The following DCAF11 variants were observed in gnomAD, a reference collection of about 807,000 sequenced individuals.
DCAF11 encodes the protein DDB1- and CUL4-associated factor 11.
Under a neutral mutation model 76.1 loss-of-function variants are expected in DCAF11, and 44 were observed. The observed-to-expected ratio is 0.58, with a 90% CI of 0.45 to 0.74. DCAF11 has a LOEUF of 0.74. DCAF11 is among the 30% of genes least tolerant of loss of function. The pLI is 0.00. For synonymous variants in DCAF11, 258 were observed against 255.0 expected (o/e 1.01, Z -0.11); for missense variants, 604 against 709.4 (o/e 0.85, Z 1.69).
At position 24,120,922 on chromosome 14, in the gene DCAF11, A is replaced by T; in HGVS notation, c.1177A>T (p.Met393Leu). 1 of 1,614,218 alleles carries T rather than the reference A, an allele frequency of 6.2e-7. No homozygotes were observed. The highest frequency in any genetic ancestry group is 8.5e-7 in the Non-Finnish European group (1 of 1,180,034). ...CCGACGCTTTTCCAGCCGGGAAGGC[A>T]TGGAAGCTTCACGCCAGGCTGCCAC... ...DIRRFSSREG[M>L]EASRQAATQQ... The change falls in exon 12 of 15, where the codon ATG becomes TTG. Residue 393 changes from methionine (M) to leucine (L), a missense_variant. Transcript: ENST00000446197.
In DCAF11 at chr14:24,123,214, G is replaced by A; in HGVS notation, c.1546G>A (p.Glu516Lys). 1.3e-6 allele frequency: 2 copies of A among 1,593,590 alleles called. No individual in the cohort carries two copies. Among genetic ancestry groups the A allele is most frequent in the Admixed American group, 1.7e-5 (1 of 58,662 alleles). Residue 516 changes from glutamate (E) to lysine (K), a missense_variant, in exon 15 of 15, where the codon GAG (glutamate) becomes AAG (lysine). Physicochemically the swap from Glu to Lys is moderately conservative, Grantham distance 56. Transcript: ENST00000446197. ...GCGTCTGTGGCAGTACCGCCAGGCT[G>A]AGTACTTCCAGGATGACATGCCAGA... ...NLRLWQYRQA[E>K]YFQDDMPESE...
rs1271303421 is a variant in DCAF11 at position 24,120,948 on chromosome 14, A to C, written c.1203A>C (p.Thr401=). 4 of 1,614,068 alleles carry C rather than the reference A, an allele frequency of 2.5e-6. No individual in the cohort carries two copies. Among genetic ancestry groups the C allele is most frequent in the Non-Finnish European group, 3.4e-6 (4 of 1,180,028 alleles). Residue 401 remains threonine, a synonymous_variant, in exon 12 of 15, where the codon ACA becomes ACC. Coordinates refer to ENST00000446197, the MANE Select transcript of DCAF11 (RefSeq NM_025230.5). ...TGGAAGCTTCACGCCAGGCTGCCACACAGCAAAACTGGGACTATCGGTGGC... is the reference window on the plus strand; with the variant it reads ...TGGAAGCTTCACGCCAGGCTGCCACCCAGCAAAACTGGGACTATCGGTGGC... The part of the protein sequence containing the change: ...EGMEASRQAA[T]QQNWDYRWQQ...
intron 2 of DCAF11, 23 bp downstream of exon 2, chr14:24,115,772 C>G: frequency 6.2e-7 from 1 of 1,605,260 alleles, no homozygotes; most frequent in Non-Finnish European, 8.5e-7. Context: ...CTGGTGTGAC[C>G]CCCAGCAGGT....
chr14:24,120,868 A>G lies in DCAF11; in HGVS notation c.1123A>G (p.Lys375Glu), dbSNP rs1224937229. 19 of 1,614,186 alleles carry G rather than the reference A, an allele frequency of 1.2e-5. No homozygotes were observed. The highest frequency in any genetic ancestry group is 1.6e-5 in the Non-Finnish European group (19 of 1,180,036). Residue 375 changes from lysine (K) to glutamate (E), a missense_variant, in exon 12 of 15, where the codon AAA becomes GAA. Physicochemically the swap from Lys to Glu is moderately conservative, Grantham distance 56 (BLOSUM62 1). Transcript: ENST00000446197. ...TGCCCGGTATCTGATCTCCAACTCT[A>G]AAGACCAGACCATCAAACTCTGGGA... is the stretch of plus-strand genomic sequence containing the variant. Reference protein sequence around the residue: ...GDARYLISNSKDQTIKLWDIR... With the variant: ...GDARYLISNSEDQTIKLWDIR...
chr14:24,123,134 G>C, intron 14 of DCAF11, 41 bp from the exon 15 acceptor site: 1 of 1,614,086 alleles, frequency 6.2e-7, no homozygotes, highest in Non-Finnish European at 8.5e-7. Context: ...ACTTGGGTGG[G>C]GGCAGCACAT....
chr14:24,118,278 T>C (rs1306427407), intron 6 of DCAF11, 110 bp from the exon 7 acceptor site: 13 of 1,583,194 alleles, frequency 8.2e-6, no homozygotes, highest in Non-Finnish European at 9.5e-6. Flanking sequence ...CCAGACCATG[T>C]TTCCCATGAT....
chr14:24,123,920 G>A lies in DCAF11; in HGVS notation c.*611G>A, dbSNP rs1369287382. ...CTTATAGGGCAGGCCCTGCCCTCTG[G>A]GAAGGTCCCTTCATGCTGGAGGCAC... On this transcript the variant is annotated 3_prime_UTR_variant, in exon 15 of 15. Coordinates refer to ENST00000446197, the MANE Select transcript of DCAF11 (RefSeq NM_025230.5). The A allele has an allele frequency of 6.6e-6, 1 of 152,246 alleles. No individual in the cohort carries two copies. Among genetic ancestry groups the A allele is most frequent in the Non-Finnish European group, 1.5e-5 (1 of 68,092 alleles). 9.4% of individuals were successfully genotyped at this position (152,246 alleles called of 1,614,324 possible). A position where few individuals can be genotyped will look rare whatever the true frequency, so the allele number is the denominator to read the frequency against.
Position 24,114,943 on chromosome 14 carries a change from G to A in DCAF11, c.-564G>A, listed in dbSNP as rs1228875542. On this transcript the variant is annotated 5_prime_UTR_variant, in exon 1 of 15. Transcript: ENST00000446197. ...CTGGCTGGTGGGTGGTCTCGCGTGG[G>A]GCGGTTACCGCCGGCTTCAGTGGGA... 1.7e-5 allele frequency: 17 copies of A among 985,918 alleles called. No individual in the cohort carries two copies. The highest frequency in any genetic ancestry group is 1.9e-5 in the Non-Finnish European group (16 of 830,018). 61.1% of individuals were successfully genotyped at this position (985,918 alleles called of 1,614,324 possible).
rs1379930115 is a variant in DCAF11 at position 24,123,236 on chromosome 14, C to T, written c.1568C>T (p.Pro523Leu). Residue 523 changes from proline to leucine, a missense_variant, in exon 15 of 15, where the codon CCA (proline) becomes CTA (leucine). By Grantham distance (98) the Pro-to-Leu change is moderately conservative (BLOSUM62 -3). Transcript: ENST00000446197. ...GCTGAGTACTTCCAGGATGACATGC[C>T]AGAATCTGAGGAATGTGCCAGCGCC... ...RQAEYFQDDM[P>L]ESEECASAPA... is the part of the protein sequence containing the mutation. 6.3e-7 allele frequency: 1 copy of T among 1,575,956 alleles called. No homozygotes were observed. Among genetic ancestry groups the T allele is most frequent in the African/African-American group, 1.3e-5 (1 of 74,324 alleles).
Position 24,118,529 on chromosome 14 carries a change from A to T in DCAF11, c.719A>T (p.Asp240Val). The change falls in exon 7 of 15, where the codon GAT (aspartate) becomes GTT (valine). Residue 240 changes from aspartate (D) to valine (V), a missense_variant. Asp to Val is a radical substitution (Grantham distance 152). Coordinates refer to ENST00000446197, the MANE Select transcript of DCAF11 (RefSeq NM_025230.5). ...CACTTCCTCTACTCTAGCTGGTCTG[A>T]TTACAGTGAGTATGCACCAGGCTTC... ...GNHFLYSSWS[D>V]YIHICNIYGE... is the part of the protein sequence containing the mutation. The T allele has an allele frequency of 6.2e-7, 1 of 1,613,904 alleles. No homozygotes were observed. The highest frequency in any genetic ancestry group is 1.1e-5 in the South Asian group (1 of 91,076).
chr14:24,117,225 G>A lies in DCAF11; in HGVS notation c.284-41G>A, dbSNP rs778350751. The stretch of plus-strand genomic sequence containing the variant: ...ACAGTTCTGCTAACTGTCCTCTGAG[G>A]CTGGCAGACCTAGGATGAAACTTCT... On this transcript the variant is annotated intron_variant, in intron 3 of 14. Coordinates refer to ENST00000446197, the MANE Select transcript of DCAF11 (RefSeq NM_025230.5). The surrounding 1 kb of genome is among the most constrained non-coding windows in gnomAD (Gnocchi z 4.3). The A allele has an allele frequency of 2.5e-6, 4 of 1,612,810 alleles. No individual in the cohort carries two copies. Among genetic ancestry groups the A allele is most frequent in the Non-Finnish European group, 1.7e-6 (2 of 1,179,110 alleles).
At chr14:24,116,845 T>A in intron 2 of DCAF11, 72 bp from the exon 3 acceptor site, 1 of 1,605,000 alleles carries the variant, frequency 6.2e-7, no homozygotes, top group South Asian at 1.1e-5. Flanking sequence ...AAGAGCTAGA[T>A]AGCCATTGAC....
chr14:24,120,661 A>G (rs1263889833), intron 11 of DCAF11, among the ~76,000 whole-genome samples, 177 bp from the exon 12 acceptor site: 1 of 152,184 alleles, frequency 6.6e-6, no homozygotes, highest in African/African-American at 2.4e-5. Context: ...GGAAAGGAAA[A>G]CCTAGCCAGG....
At position 24,114,780 on chromosome 14, in the gene DCAF11, T is replaced by A. The variant is rs1566588958; in HGVS notation, c.-727T>A. 3.0e-6 allele frequency: 3 copies of A among 985,808 alleles called. No individual in the cohort carries two copies. Among genetic ancestry groups the A allele is most frequent in the Non-Finnish European group, 2.4e-6 (2 of 829,954 alleles). 61.1% of individuals were successfully genotyped at this position (985,808 alleles called of 1,614,324 possible). A position where few individuals can be genotyped will look rare whatever the true frequency, so the allele number is the denominator to read the frequency against. On this transcript the variant is annotated 5_prime_UTR_variant, in exon 1 of 15. Transcript: ENST00000446197. ...TGGCCAAGGGGGCGGGGCCGTCGTG[T>A]GACGTTTGCAGCCCGCCGGCCAGGA...
intron 8 of DCAF11, 145 bp downstream of exon 8, chr14:24,118,949 T>G: frequency 1.7e-6 from 2 of 1,156,792 alleles, no homozygotes; most frequent in Non-Finnish European, 2.5e-6. Flanking sequence ...AAGCACCATC[T>G]TGTCAGCCAG....
rs1430577818 is a variant in DCAF11, at chr14:24,115,033, C to T, written c.-474C>T. 9 of 985,764 alleles carry T rather than the reference C, an allele frequency of 9.1e-6. No homozygotes were observed. Among genetic ancestry groups the T allele is most frequent in the Non-Finnish European group, 1.1e-5 (9 of 829,912 alleles). The allele number at this position is 985,764 out of a possible 1,614,324, so 61.1% of individuals were successfully genotyped here. On this transcript the variant is annotated 5_prime_UTR_variant, in exon 1 of 15. An upstream open reading frame in the 5' UTR gains an earlier in-frame stop. Coordinates refer to ENST00000446197, the MANE Select transcript of DCAF11 (RefSeq NM_025230.5). The stretch of plus-strand genomic sequence containing the variant: ...CCCGGCGCACCACGTGGGCGTGAGG[C>T]GAGGAAGGAGGGGTGTTAGGCCAAA...
intron 14 of DCAF11, 21 bp downstream of exon 14, chr14:24,123,098 G>T (rs1283791242): frequency 2.9e-5 from 46 of 1,613,968 alleles, no homozygotes; most frequent in Non-Finnish European, 3.6e-5. Flanking sequence ...AAGGGTTGAG[G>T]GTGCTGGCAC....
intron 13 of DCAF11, chr14:24,121,778 G>A (rs972654770): frequency 2.0e-5 from 8 of 404,362 alleles, no homozygotes; most frequent in Non-Finnish European, 3.1e-5. Flanking sequence ...AGCCAGTCAA[G>A]AAAGAGGTTG....
At chr14:24,122,513 G>GA (rs796958184) in intron 13 of DCAF11, among the ~76,000 whole-genome samples, 189 of 142,378 alleles carry the variant, frequency 1.3e-3, no homozygotes, top group African/African-American at 4.3e-3. Flanking sequence ...AAAAGAAAAA[G>GA]AAAAAAAAAA....
Sources: allele counts gnomAD v4.1 joint callset (sites outside exome capture counted in the v4.1 genomes callset), GRCh38; gene constraint gnomAD v4.1.1; non-coding constraint Gnocchi (gnomAD v3.1); transcripts MANE v1.5; gene names NCBI Gene and HGNC (gene_info 2026-07-23, HGNC 2026-07-21).